The following PITPNM3 variants were observed in gnomAD, a reference collection of about 807,000 sequenced individuals.
PITPNM3 encodes PITPNM family member 3.
Under a neutral mutation model 102.0 loss-of-function variants are expected in PITPNM3, and 26 were observed. That is an observed-to-expected ratio of 0.25 (90% CI 0.19 to 0.35). The LOEUF is 0.35. Among genes scored for constraint, PITPNM3 ranks in the 10% least tolerant of loss-of-function variants. The probability of loss-of-function intolerance (pLI) is 1.00; values close to 1 mark genes in which losing one functional copy is unlikely to be tolerated. For synonymous variants in PITPNM3, 578 were observed against 558.6 expected (o/e 1.03, Z -0.49); for missense variants, 1,083 against 1,346.1 (o/e 0.80, Z 3.06).
intron 3 of PITPNM3, among the ~76,000 whole-genome samples, chr17:6,508,121 C>T (rs193116714): frequency 6.6e-6 from 1 of 151,758 alleles, no homozygotes; most frequent in Admixed American, 6.6e-5. Flanking sequence ...GCTCGGGGAC[C>T]CAGGTGCCAA....
chr17:6,538,326 G>T (rs1909557398), intron 1 of PITPNM3, among the ~76,000 whole-genome samples: 1 of 151,928 alleles, frequency 6.6e-6, no homozygotes, highest in South Asian at 2.1e-4. Flanking sequence ...CTAACACTGA[G>T]GCTGGTGGTA....
chr17:6,491,287 A>T lies in PITPNM3; in HGVS notation c.275-6995T>A, dbSNP rs1046889453. Among the ~76,000 whole-genome samples the T allele has an allele frequency of 2.0e-5, 3 of 152,282 alleles. No homozygotes were observed. The East Asian group carries it at 5.8e-4, about 29-fold the overall frequency. Reference sequence around the variant, plus strand: ...GGGAGGGGAACACACTGGCAGAATAAGAAACTATCTAAGGAACCCATAGCT... The same window carrying T: ...GGGAGGGGAACACACTGGCAGAATATGAAACTATCTAAGGAACCCATAGCT... On this transcript the variant is annotated intron_variant, in intron 4 of 19. Coordinates refer to ENST00000262483, the MANE Select transcript of PITPNM3 (RefSeq NM_031220.4).
chr17:6,555,789 C>T (rs543163891), intron 1 of PITPNM3, among the ~76,000 whole-genome samples: 79 of 152,328 alleles, frequency 5.2e-4, no homozygotes, highest in Non-Finnish European at 8.8e-5. Flanking sequence ...GCAGAGCCCA[C>T]GGGACCCCAG....
intron 3 of PITPNM3, among the ~76,000 whole-genome samples, chr17:6,514,052 G>A (rs1908013001): frequency 1.3e-5 from 2 of 151,884 alleles, no homozygotes; most frequent in African/African-American, 2.4e-5. Flanking sequence ...AATGGTGCCG[G>A]GAAAACTAGT....
chr17:6,477,002 TC>T (rs1180797719), intron 9 of PITPNM3, 26 bp downstream of exon 9: 2 of 1,612,752 alleles, frequency 1.2e-6, no homozygotes, highest in Non-Finnish European at 1.7e-6. Flanking sequence ...GCCAAGGTCT[TC>T]TTGCTTCTGG....
At chr17:6,519,584 C>T (rs1180308390) in intron 3 of PITPNM3, among the ~76,000 whole-genome samples, 2 of 151,490 alleles carry the variant, frequency 1.3e-5, no homozygotes, top group Admixed American at 6.6e-5. Context: ...AATCCTAGCA[C>T]TTTGGGAGGC....
rs945674202 is a variant in PITPNM3 at position 6,469,418 on chromosome 17, C to G, written c.1773+842G>C. ...CAGCCCAGCACACTCTCTCCCACCCCCAAGAACCTACAAACAAAACTCACT... is the reference window on the plus strand; with the variant it reads ...CAGCCCAGCACACTCTCTCCCACCCGCAAGAACCTACAAACAAAACTCACT... On this transcript the variant is annotated intron_variant, in intron 13 of 19. Coordinates refer to ENST00000262483, the MANE Select transcript of PITPNM3 (RefSeq NM_031220.4). The surrounding 1 kb of genome is among the most constrained non-coding windows in gnomAD (Gnocchi z 4.0). 1.3e-5 allele frequency among the ~76,000 whole-genome samples: 2 copies of G among 152,030 alleles called. No homozygotes were observed. Among genetic ancestry groups the G allele is most frequent in the Admixed American group, 1.3e-4 (2 of 15,266 alleles).
chr17:6,507,839 A>G (rs1476618187), intron 3 of PITPNM3, among the ~76,000 whole-genome samples: 1 of 152,106 alleles, frequency 6.6e-6, no homozygotes, highest in African/African-American at 2.4e-5. Context: ...ACTCACGGAG[A>G]CAGTTTATGA....
intron 1 of PITPNM3, among the ~76,000 whole-genome samples, chr17:6,540,064 G>A (rs1475348536): frequency 1.3e-5 from 2 of 152,186 alleles, no homozygotes; most frequent in Non-Finnish European, 2.9e-5. Flanking sequence ...CATTCTCTCT[G>A]ATGACCTGTG....
At chr17:6,518,658 G>T (rs374508537) in intron 3 of PITPNM3, among the ~76,000 whole-genome samples, 122 of 152,226 alleles carry the variant, frequency 8.0e-4, no homozygotes, top group African/African-American at 2.6e-3. Context: ...GTAGACAATA[G>T]AACTGATTAA....
intron 2 of PITPNM3, among the ~76,000 whole-genome samples, chr17:6,531,456 C>A (rs1021388407): frequency 6.6e-6 from 1 of 152,236 alleles, no homozygotes; most frequent in African/African-American, 2.4e-5. Flanking sequence ...CCTTGGTCCA[C>A]TAAGCTTTTC....
intron 1 of PITPNM3, among the ~76,000 whole-genome samples, chr17:6,554,999 G>T (rs1336959583): frequency 6.6e-6 from 1 of 152,192 alleles, no homozygotes; most frequent in African/African-American, 2.4e-5. Flanking sequence ...ACACAGGGTA[G>T]GGCAGCAGAT....
Position 6,478,409 on chromosome 17 carries a change from G to C in PITPNM3, c.777+138C>G. 1.8e-6 allele frequency: 2 copies of C among 1,133,096 alleles called. No individual in the cohort carries two copies. The highest frequency in any genetic ancestry group is 1.3e-5 in the South Asian group (1 of 75,576). 70.2% of individuals were successfully genotyped at this position (1,133,096 alleles called of 1,614,324 possible). ...TCTGTAAAATGAGGGCTAACTCAGA[G>C]ATCTCAAAAGCCACCTTTGGGCTCA... On this transcript the variant is annotated intron_variant, in intron 7 of 19. Coordinates refer to ENST00000262483, the MANE Select transcript of PITPNM3 (RefSeq NM_031220.4). The surrounding 1 kb of genome is among the most constrained non-coding windows in gnomAD (Gnocchi z 4.4).
At chr17:6,474,387 T>C (rs1470283459) in intron 10 of PITPNM3, 45 bp downstream of exon 10, 1 of 1,596,354 alleles carries the variant, frequency 6.3e-7, no homozygotes. Flanking sequence ...ACGGTGGCCC[T>C]AGTGACGCAC....
At chr17:6,543,978 C>CG (rs1460015453) in intron 1 of PITPNM3, among the ~76,000 whole-genome samples, 5 of 152,144 alleles carry the variant, frequency 3.3e-5, no homozygotes, top group African/African-American at 1.2e-4. Flanking sequence ...TAAGGAGCAT[C>CG]GGGGCAAAGG....
intron 1 of PITPNM3, among the ~76,000 whole-genome samples, chr17:6,546,622 C>T (rs192081621): frequency 2.4e-4 from 37 of 152,360 alleles, no homozygotes; most frequent in Middle Eastern, 3.4e-3. Context: ...ACACTGCTAG[C>T]CAAAGACTAA....
At chr17:6,461,174 C>T (rs990424771) in intron 18 of PITPNM3, among the ~76,000 whole-genome samples, 199 bp downstream of exon 18, 1 of 152,326 alleles carries the variant, frequency 6.6e-6, no homozygotes, top group African/African-American at 2.4e-5. Flanking sequence ...GTTGCCGGAG[C>T]CTCACCTTTC....
intron 14 of PITPNM3, among the ~76,000 whole-genome samples, chr17:6,465,274 G>C (rs776235543): frequency 1.3e-5 from 2 of 152,026 alleles, no homozygotes; most frequent in African/African-American, 4.8e-5. Flanking sequence ...TCGAACTCCC[G>C]ACCTCAGGTG....
intron 4 of PITPNM3, among the ~76,000 whole-genome samples, chr17:6,488,259 C>T (rs1426875286): frequency 1.3e-5 from 2 of 152,214 alleles, no homozygotes; most frequent in Non-Finnish European, 2.9e-5. Flanking sequence ...AACTCTTTCA[C>T]TCGTCCTTGC....
Sources: allele counts gnomAD v4.1 joint callset (sites outside exome capture counted in the v4.1 genomes callset), GRCh38; gene constraint gnomAD v4.1.1; non-coding constraint Gnocchi (gnomAD v3.1); transcripts MANE v1.5; gene names NCBI Gene and HGNC (gene_info 2026-07-23, HGNC 2026-07-21).